Variants in SRL observed in about 807,000 individuals in gnomAD.
SRL encodes the protein sarcalumenin.
In SRL, 23 loss-of-function variants were observed where a neutral mutation model predicts 39.5. The observed-to-expected ratio is 0.58, with a 90% CI of 0.42 to 0.82. The LOEUF (loss-of-function observed/expected upper bound fraction) is 0.82. Ranked by LOEUF, SRL falls within the 40% of genes least tolerant of loss-of-function variation. The pLI is 0.00. For synonymous variants in SRL, 272 were observed against 237.4 expected (o/e 1.15, Z -1.34); for missense variants, 592 against 607.8 (o/e 0.97, Z 0.27).
intron 1 of SRL, among the ~76,000 whole-genome samples, chr16:4,205,560 G>A (rs919372887): frequency 1.8e-5 from 2 of 111,726 alleles, no homozygotes; most frequent in African/African-American, 8.8e-5. Context: ...GCCTCCCCAG[G>A]TCTCTGCTGG....
chr16:4,204,020 G>C (rs867826296), intron 2 of SRL, among the ~76,000 whole-genome samples: 4 of 152,324 alleles, frequency 2.6e-5, no homozygotes, highest in African/African-American at 9.6e-5. Context: ...ATGGGGTGAC[G>C]AGTCAGGCTA....
intron 1 of SRL, among the ~76,000 whole-genome samples, chr16:4,219,187 G>C (rs910286608): frequency 6.6e-6 from 1 of 152,276 alleles, no homozygotes; most frequent in African/African-American, 2.4e-5. Flanking sequence ...CTTGCCAGAA[G>C]TCGCCAGTGC....
At position 4,242,032 on chromosome 16, in the gene SRL, G is replaced by A. The variant is rs372504308; in HGVS notation, c.36C>T (p.Ala12=). ...RALVLLGCLL[A]SLLFSGQAEE... is the part of the protein sequence containing the mutation. ...CTGCTTGTCCTGAGAACAGGAGCGA[G>A]GCCAGGAGGCAGCCGAGCAGGACCA... The change falls in exon 1 of 6, where the codon GCC becomes GCT. Residue 12 remains alanine (A), a synonymous_variant. Coordinates refer to ENST00000399609, the MANE Select transcript of SRL (RefSeq NM_001098814.2). The A allele has an allele frequency of 2.5e-6, 4 of 1,613,306 alleles. No homozygotes were observed. Among genetic ancestry groups the A allele is most frequent in the Admixed American group, 1.7e-5 (1 of 59,974 alleles).
chr16:4,211,013 C>T (rs1407177382), intron 1 of SRL, among the ~76,000 whole-genome samples: 1 of 152,126 alleles, frequency 6.6e-6, no homozygotes, highest in African/African-American at 2.4e-5. Context: ...GTCTGAGAAG[C>T]GCTGGGCTAC....
At chr16:4,230,946 A>G (rs1395953725) in intron 1 of SRL, among the ~76,000 whole-genome samples, 1 of 152,198 alleles carries the variant, frequency 6.6e-6, no homozygotes, top group Non-Finnish European at 1.5e-5. Context: ...GATCCCCCTT[A>G]GACCTTTCAA....
At chr16:4,233,829 G>A (rs1376576888) in intron 1 of SRL, among the ~76,000 whole-genome samples, 1 of 152,006 alleles carries the variant, frequency 6.6e-6, no homozygotes, top group East Asian at 1.9e-4. Context: ...ATACCCTCAT[G>A]CTTCTATTTG....
intron 1 of SRL, among the ~76,000 whole-genome samples, chr16:4,213,500 C>T (rs2052420696): frequency 6.7e-6 from 1 of 148,532 alleles, no homozygotes; most frequent in African/African-American, 2.5e-5. Context: ...GCCTCCACCT[C>T]CTGGGCTCAA....
intron 1 of SRL, among the ~76,000 whole-genome samples, chr16:4,235,284 C>G (rs1317717628): frequency 6.6e-6 from 1 of 152,216 alleles, no homozygotes; most frequent in Admixed American, 6.5e-5. Flanking sequence ...AAAGTGAGTC[C>G]TCATGCCAAA....
At chr16:4,234,041 C>G (rs527763425) in intron 1 of SRL, among the ~76,000 whole-genome samples, 18 of 152,216 alleles carry the variant, frequency 1.2e-4, no homozygotes, top group African/African-American at 2.4e-4. Context: ...GTTGCCCAGG[C>G]TAGAGTATAG....
chr16:4,217,822 C>A (rs1265984231), intron 1 of SRL, among the ~76,000 whole-genome samples: 3 of 152,204 alleles, frequency 2.0e-5, no homozygotes, highest in African/African-American at 7.2e-5. Context: ...CACAGCAGAG[C>A]CAGCTTCGGA....
intron 1 of SRL, chr16:4,207,848 A>C (rs1349116497): frequency 2.2e-6 from 1 of 456,320 alleles, no homozygotes; most frequent in Non-Finnish European, 4.4e-6. Flanking sequence ...CCCCAGGTGG[A>C]GGTGACTCTG....
At position 4,197,942 on chromosome 16, in the gene SRL, A is replaced by T. The variant is rs373662446; in HGVS notation, c.260-27T>A. ...TGTGGGCAACAGGAAGTAGAAATGGAATAAAACTAACAAAAGTTCACACAA... is the reference window on the plus strand; with the variant it reads ...TGTGGGCAACAGGAAGTAGAAATGGTATAAAACTAACAAAAGTTCACACAA... On this transcript the variant is annotated intron_variant, in intron 3 of 5. Transcript: ENST00000399609. 4 of 1,495,970 alleles carry T rather than the reference A, an allele frequency of 2.7e-6. No individual in the cohort carries two copies. The African/African-American group carries it at 4.1e-5, about 15-fold the overall frequency. 92.7% of individuals were successfully genotyped at this position (1,495,970 alleles called of 1,614,324 possible).
chr16:4,228,396 A>G (rs778257558), intron 1 of SRL, among the ~76,000 whole-genome samples: 1 of 151,794 alleles, frequency 6.6e-6, no homozygotes, highest in Non-Finnish European at 1.5e-5. Flanking sequence ...AGATTGCACC[A>G]CTGCACTCCA....
intron 3 of SRL, among the ~76,000 whole-genome samples, chr16:4,202,717 G>T (rs2052252985): frequency 6.6e-6 from 1 of 152,070 alleles, no homozygotes; most frequent in East Asian, 1.9e-4. Flanking sequence ...ATTTTGTAAA[G>T]AATCCAGGCC....
chr16:4,213,928 G>A (rs2052424584), intron 1 of SRL, among the ~76,000 whole-genome samples: 1 of 152,198 alleles, frequency 6.6e-6, no homozygotes, highest in African/African-American at 2.4e-5. Flanking sequence ...GTCATTCCAG[G>A]GATGGGCTGG....
At position 4,195,699 on chromosome 16, in the gene SRL, C is replaced by T. The variant is rs892666144; in HGVS notation, c.464G>A (p.Ser155Asn). 6.2e-7 allele frequency: 1 copy of T among 1,613,976 alleles called. No homozygotes were observed. The highest frequency in any genetic ancestry group is 1.3e-5 in the African/African-American group (1 of 74,908). The change falls in exon 5 of 6, where the codon AGC (serine) becomes AAC (asparagine). Residue 155 changes from serine (S) to asparagine (N), a missense_variant. Coordinates refer to ENST00000399609, the MANE Select transcript of SRL (RefSeq NM_001098814.2). ...TIEGIVMAAD[S>N]ARSFSPLEKF... is the part of the protein sequence containing the mutation. ...CTCAAGGGGTGAGAAGGAACGGGCG[C>T]TGTCAGCAGCCATGACGATGCCCTC...
chr16:4,199,151 T>C (rs2052187604), intron 3 of SRL, among the ~76,000 whole-genome samples: 1 of 152,092 alleles, frequency 6.6e-6, no homozygotes. Flanking sequence ...CCCCTTTTGT[T>C]TCATTTATTT....
Position 4,192,478 on chromosome 16 carries a change from A to T in SRL, c.1097T>A (p.Leu366Gln), listed in dbSNP as rs553743256. ...ATCTTCCACAATGTCCTTAAAGACCAGTTCTCCATCACTGAAGAAGGTCAT... is the reference window on the plus strand; with the variant it reads ...ATCTTCCACAATGTCCTTAAAGACCTGTTCTCCATCACTGAAGAAGGTCAT... ...DKMTFFSDGE[L>Q]VFKDIVEDPD... The change falls in exon 6 of 6, where the codon CTG (leucine) becomes CAG (glutamine). Residue 366 changes from leucine (L) to glutamine (Q), a missense_variant. Leu to Gln is a moderately radical substitution (Grantham distance 113). Coordinates refer to ENST00000399609, the MANE Select transcript of SRL (RefSeq NM_001098814.2). The surrounding 1 kb of genome is among the most constrained non-coding windows in gnomAD (Gnocchi z 4.0). 1 of 1,614,232 alleles carries T rather than the reference A, an allele frequency of 6.2e-7. No individual in the cohort carries two copies. The highest frequency in any genetic ancestry group is 1.1e-5 in the South Asian group (1 of 91,084).
chr16:4,227,230 GTGGGTGGATGGATGGATGAAGGGA>G (rs1176102067), intron 1 of SRL, among the ~76,000 whole-genome samples: 3 of 146,464 alleles, frequency 2.0e-5, no homozygotes, highest in Admixed American at 2.0e-4. Flanking sequence ...GAGTGGATGG[GTGGGTGGATGGATGGATGAAGGGA>G]TGGGTGGATG....
Sources: allele counts gnomAD v4.1 joint callset (sites outside exome capture counted in the v4.1 genomes callset), GRCh38; gene constraint gnomAD v4.1.1; non-coding constraint Gnocchi (gnomAD v3.1); transcripts MANE v1.5; gene names NCBI Gene and HGNC (gene_info 2026-07-23, HGNC 2026-07-21).